NRXN3: variants seen among roughly 807,000 people sequenced by gnomAD.
NRXN3 encodes the protein neurexin 3, also known as neurexin III.
A neutral mutation model predicts 137.6 loss-of-function variants in NRXN3; 32 were observed. The ratio of observed to expected loss-of-function variants is 0.23; its 90% CI spans 0.18 to 0.31. The LOEUF (loss-of-function observed/expected upper bound fraction) is 0.31. Among genes scored for constraint, NRXN3 ranks in the 10% least tolerant of loss-of-function variants. The pLI, the probability that NRXN3 is intolerant of heterozygous loss-of-function variation, is 1.00. For missense variants in NRXN3, 1,574 were observed against 2,062.5 expected, an observed-to-expected ratio of 0.76 and a Z score of 4.59; for synonymous variants, 798 against 784.5, an observed-to-expected ratio of 1.02 and a Z score of -0.29.
chr14:79,397,348 G>C (rs753965646), intron 15 of NRXN3, among the ~76,000 whole-genome samples: 1 of 152,132 alleles, frequency 6.6e-6, no homozygotes, highest in Non-Finnish European at 1.5e-5. Context: ...CAAGATAATT[G>C]ATAACAAGAC....
At chr14:78,520,663 A>G (rs558621182) in intron 4 of NRXN3, among the ~76,000 whole-genome samples, 1 of 152,318 alleles carries the variant, frequency 6.6e-6, no homozygotes, top group Non-Finnish European at 1.5e-5. Flanking sequence ...TATTTGTAAA[A>G]TGTAGACAGG....
intron 15 of NRXN3, among the ~76,000 whole-genome samples, chr14:79,054,447 A>G (rs1307196544): frequency 6.6e-6 from 1 of 152,140 alleles, no homozygotes; most frequent in African/African-American, 2.4e-5. Context: ...TACCCCATGC[A>G]TTTACAGCTT....
chr14:78,794,959 T>TGGTGGTGC (rs1488992007), intron 8 of NRXN3, among the ~76,000 whole-genome samples: 2 of 149,458 alleles, frequency 1.3e-5, no homozygotes, highest in Non-Finnish European at 3.0e-5. Flanking sequence ...TAGCCAGGTG[T>TGGTGGTGC]GGTGGTGCTC....
chr14:79,693,880 A>C (rs1027657076), intron 18 of NRXN3, among the ~76,000 whole-genome samples: 1 of 151,976 alleles, frequency 6.6e-6, no homozygotes, highest in Non-Finnish European at 1.5e-5. Flanking sequence ...TTATTTGCAA[A>C]CCGTGAGTTT....
At chr14:78,549,570 G>A (rs1600295739) in intron 4 of NRXN3, among the ~76,000 whole-genome samples, 1 of 152,134 alleles carries the variant, frequency 6.6e-6, no homozygotes, top group East Asian at 1.9e-4. Flanking sequence ...GATGTGCTCA[G>A]CCTCTAGCTG....
chr14:78,566,569 C>G (rs61534831), intron 4 of NRXN3, among the ~76,000 whole-genome samples: 2,076 of 152,246 alleles, frequency 0.014, 42 homozygotes, highest in African/African-American at 0.048. Context: ...TTATGGGGAG[C>G]CCTGGCCACA....
chr14:78,534,415 A>G lies in NRXN3; in HGVS notation c.758-110705A>G, dbSNP rs1008564885. ...AATTTTTGCATGTGTAAACTGTATAAAATAAGATTTTAAAGAATGTCATAA... is the reference window on the plus strand; with the variant it reads ...AATTTTTGCATGTGTAAACTGTATAGAATAAGATTTTAAAGAATGTCATAA... On this transcript the variant is annotated intron_variant, in intron 4 of 20. Coordinates refer to ENST00000335750, the MANE Select transcript of NRXN3 (RefSeq NM_001330195.2). Among the ~76,000 whole-genome samples, 13 of 152,318 alleles carry G rather than the reference A, an allele frequency of 8.5e-5. No homozygotes were observed. The East Asian group carries it at 2.1e-3, about 25-fold the overall frequency.
At chr14:79,407,939 G>A (rs1329414382) in intron 15 of NRXN3, among the ~76,000 whole-genome samples, 1 of 152,126 alleles carries the variant, frequency 6.6e-6, no homozygotes, top group Non-Finnish European at 1.5e-5. Flanking sequence ...ATCATGGATT[G>A]GAGGGAAGTT....
At chr14:78,802,671 G>T (rs1165167185) in intron 8 of NRXN3, among the ~76,000 whole-genome samples, 1 of 152,176 alleles carries the variant, frequency 6.6e-6, no homozygotes, top group Non-Finnish European at 1.5e-5. Context: ...TCAGCCAGGC[G>T]CAGTGGGCTC....
At chr14:79,146,288 A>G (rs2059291866) in intron 15 of NRXN3, among the ~76,000 whole-genome samples, 1 of 152,140 alleles carries the variant, frequency 6.6e-6, no homozygotes, top group Non-Finnish European at 1.5e-5. Flanking sequence ...TGAAATTACA[A>G]GGCATGGTCC....
chr14:79,602,941 G>A (rs1050335594), intron 16 of NRXN3, among the ~76,000 whole-genome samples: 3 of 151,990 alleles, frequency 2.0e-5, no homozygotes, highest in Admixed American at 6.6e-5. Context: ...ACTTTATTCC[G>A]TGGGCTGCTC....
intron 8 of NRXN3, among the ~76,000 whole-genome samples, chr14:78,769,848 C>T (rs961916991): frequency 1.3e-5 from 2 of 152,012 alleles, no homozygotes; most frequent in South Asian, 4.2e-4. Flanking sequence ...AAGAAACTTC[C>T]ATCTATTGAG....
intron 8 of NRXN3, among the ~76,000 whole-genome samples, chr14:78,748,984 G>A (rs2098628168): frequency 6.6e-6 from 1 of 152,184 alleles, no homozygotes; most frequent in South Asian, 2.1e-4. Flanking sequence ...AAAAGGCAGT[G>A]TGAGGCATAA....
intron 18 of NRXN3, among the ~76,000 whole-genome samples, chr14:79,695,652 A>C (rs2098732950): frequency 6.6e-6 from 1 of 151,758 alleles, no homozygotes; most frequent in Non-Finnish European, 1.5e-5. Flanking sequence ...AAAAAAAAAA[A>C]AAACTGTCAT....
chr14:79,114,503 A>T (rs576557118), intron 15 of NRXN3, among the ~76,000 whole-genome samples: 59 of 152,268 alleles, frequency 3.9e-4, no homozygotes, highest in African/African-American at 1.3e-3. Context: ...ATATTTTTTT[A>T]AAATAATATG....
chr14:79,419,841 C>A (rs1008849209), intron 15 of NRXN3, among the ~76,000 whole-genome samples: 2 of 152,134 alleles, frequency 1.3e-5, no homozygotes, highest in African/African-American at 4.8e-5. Flanking sequence ...TGGCTCATAA[C>A]TGGGAGCTCT....
At chr14:78,724,697 G>A (rs1332432578) in intron 8 of NRXN3, among the ~76,000 whole-genome samples, 3 of 152,190 alleles carry the variant, frequency 2.0e-5, no homozygotes, top group Non-Finnish European at 4.4e-5. Flanking sequence ...TTATAGCAAA[G>A]CCATTTGGTA....
intron 15 of NRXN3, among the ~76,000 whole-genome samples, chr14:79,038,918 T>C (rs1462565352): frequency 6.6e-6 from 1 of 152,130 alleles, no homozygotes; most frequent in Non-Finnish European, 1.5e-5. Flanking sequence ...TTTCAACGAG[T>C]GGCTAAGAGC....
At chr14:78,496,644 A>G (rs2095790305) in intron 4 of NRXN3, among the ~76,000 whole-genome samples, 1 of 152,102 alleles carries the variant, frequency 6.6e-6, no homozygotes, top group Admixed American at 6.6e-5. Context: ...CATTACAAGT[A>G]AATTCCTTTT....
Sources: gnomAD v4.1 joint callset for allele counts (sites outside exome capture counted in the v4.1 genomes callset) on GRCh38, gnomAD v4.1.1 for gene constraint, MANE v1.5 for transcripts, NCBI Gene and HGNC (gene_info 2026-07-23, HGNC 2026-07-21) for gene names.